The following FREM1 variants were observed in gnomAD, a reference collection of about 807,000 sequenced individuals.
FREM1 encodes FRAS1-related extracellular matrix protein 1.
Under a neutral mutation model 210.1 loss-of-function variants are expected in FREM1, and 220 were observed. That is an observed-to-expected ratio of 1.05 (90% confidence interval 0.94 to 1.17). FREM1 has a LOEUF of 1.17. Ranked by LOEUF, FREM1 falls within the 50% of genes most tolerant of loss-of-function variation. FREM1 has a pLI of 0.00. For synonymous variants in FREM1, 1,189 were observed against 980.2 expected (o/e 1.21, Z -3.98); for missense variants, 3,454 against 2,675.5 (o/e 1.29, Z -6.42).
At chr9:14,769,114 A>T (rs1378471819) in intron 27 of FREM1, among the ~76,000 whole-genome samples, 1 of 152,178 alleles carries the variant, frequency 6.6e-6, no homozygotes, top group Non-Finnish European at 1.5e-5. Context: ...GTGGTCTGTT[A>T]ATCTCGTTAA....
intron 22 of FREM1, chr9:14,790,834 T>A (rs2133022143): frequency 6.6e-6 from 1 of 152,264 alleles, no homozygotes; most frequent in South Asian, 2.1e-4. Flanking sequence ...TTTTCACATA[T>A]CCAAAACAGT....
chr9:14,852,096 C>G (rs1181582114), intron 5 of FREM1, among the ~76,000 whole-genome samples: 1 of 152,200 alleles, frequency 6.6e-6, no homozygotes, highest in Non-Finnish European at 1.5e-5. Context: ...CACCAACAAC[C>G]TCCTCCAGCC....
At chr9:14,865,820 A>T (rs1012878352) in intron 2 of FREM1, among the ~76,000 whole-genome samples, 30 of 152,140 alleles carry the variant, frequency 2.0e-4, no homozygotes, top group Non-Finnish European at 4.1e-4. Flanking sequence ...CAGACTTAGG[A>T]ATCTTGTTTT....
intron 22 of FREM1, among the ~76,000 whole-genome samples, chr9:14,792,150 AGGAGCTAGAGGC>A: frequency 6.6e-6 from 1 of 152,272 alleles, no homozygotes; most frequent in East Asian, 1.9e-4. Context: ...TTAGGGCCAG[AGGAGCTAGAGGC>A]AGCCCTCCAA....
At chr9:14,842,963 G>A (rs1221594767) in intron 8 of FREM1, among the ~76,000 whole-genome samples, 5 of 152,202 alleles carry the variant, frequency 3.3e-5, no homozygotes, top group African/African-American at 1.2e-4. Context: ...CTGGGCTAAG[G>A]AATGCCCAGA....
chr9:14,888,915 T>C (rs1416710388), intron 1 of FREM1, among the ~76,000 whole-genome samples: 2 of 152,056 alleles, frequency 1.3e-5, no homozygotes, highest in African/African-American at 4.8e-5. Flanking sequence ...CAGAAACATA[T>C]AGAAAAAAAA....
chr9:14,804,859 C>T, intron 19 of FREM1, 97 bp downstream of exon 19: 1 of 819,046 alleles, frequency 1.2e-6, no homozygotes, highest in Non-Finnish European at 2.0e-6. Context: ...CTCACCAATG[C>T]AATGTGTTAA....
chr9:14,744,143 G>A (rs1244669709), intron 35 of FREM1, among the ~76,000 whole-genome samples: 4 of 151,894 alleles, frequency 2.6e-5, no homozygotes, highest in African/African-American at 4.8e-5. Flanking sequence ...AACCTCTCTG[G>A]TGACTCTACT....
chr9:14,794,997 CA>C (rs36009556), intron 21 of FREM1, among the ~76,000 whole-genome samples: 17,162 of 120,472 alleles, frequency 0.14, 1,347 homozygotes, highest in African/African-American at 0.27. Context: ...GACTTTCTCT[CA>C]AAAAAAAAAA....
intron 1 of FREM1, among the ~76,000 whole-genome samples, chr9:14,873,219 G>T (rs1463260576): frequency 6.6e-6 from 1 of 151,910 alleles, no homozygotes; most frequent in African/African-American, 2.4e-5. Context: ...TTTTTCTATT[G>T]ATTGGAATAG....
chr9:14,763,626 C>T (rs1845897393), intron 27 of FREM1, among the ~76,000 whole-genome samples: 1 of 152,180 alleles, frequency 6.6e-6, no homozygotes, highest in African/African-American at 2.4e-5. Flanking sequence ...GCTTCAGGTC[C>T]CTCTGTCACT....
At chr9:14,885,936 A>G (rs2132263593) in intron 1 of FREM1, among the ~76,000 whole-genome samples, 1 of 152,250 alleles carries the variant, frequency 6.6e-6, no homozygotes, top group Admixed American at 6.5e-5. Flanking sequence ...TGTACAATAC[A>G]TCTCCTTCCT....
At chr9:14,894,580 A>G (rs1251037779) in intron 1 of FREM1, among the ~76,000 whole-genome samples, 5 of 152,250 alleles carry the variant, frequency 3.3e-5, no homozygotes, top group African/African-American at 9.6e-5. Flanking sequence ...AACTGCATGG[A>G]CTGAACTAAT....
chr9:14,755,817 C>T (rs1445766106), intron 29 of FREM1, among the ~76,000 whole-genome samples: 2 of 152,204 alleles, frequency 1.3e-5, no homozygotes, highest in South Asian at 2.1e-4. Context: ...GTTTCTCACA[C>T]AATGGAACAC....
intron 1 of FREM1, among the ~76,000 whole-genome samples, chr9:14,881,577 A>G (rs963936100): frequency 2.0e-5 from 3 of 151,582 alleles, no homozygotes; most frequent in East Asian, 1.9e-4. Flanking sequence ...AGCTCCTCTC[A>G]GATAGATTGT....
intron 25 of FREM1, among the ~76,000 whole-genome samples, chr9:14,773,851 C>G (rs1241200129): frequency 6.6e-6 from 1 of 152,036 alleles, no homozygotes; most frequent in East Asian, 1.9e-4. Flanking sequence ...ACTCTAACAT[C>G]TGCACTCAGA....
At chr9:14,804,910 A>G in intron 19 of FREM1, 46 bp downstream of exon 19, 1 of 1,456,906 alleles carries the variant, frequency 6.9e-7, no homozygotes, top group Non-Finnish European at 9.6e-7. Context: ...GAAAATAAAA[A>G]TCAAAATGAT....
chr9:14,861,523 T>G (rs1272788685), intron 3 of FREM1, among the ~76,000 whole-genome samples: 2 of 143,884 alleles, frequency 1.4e-5, no homozygotes, highest in African/African-American at 2.6e-5. Context: ...TTTTTTTTTT[T>G]TGAGACAGAG....
chr9:14,861,240 CACACATATAT>C (rs1429950306), intron 3 of FREM1, among the ~76,000 whole-genome samples: 20 of 54,326 alleles, frequency 3.7e-4, no homozygotes, highest in African/African-American at 1.1e-3. Flanking sequence ...CACATATATA[CACACATATAT>C]ACATATATAC....
Sources: gnomAD v4.1 joint callset for allele counts (sites outside exome capture counted in the v4.1 genomes callset) on GRCh38, gnomAD v4.1.1 for gene constraint, MANE v1.5 for transcripts, NCBI Gene and HGNC (gene_info 2026-07-23, HGNC 2026-07-21) for gene names.